The following SMAD6 variants were observed in gnomAD, a reference collection of about 807,000 sequenced individuals.
The protein encoded by SMAD6 is SMAD family member 6.
SMAD6 carries 103 observed loss-of-function variants against 39.4 expected under a neutral mutation model. That is an observed-to-expected ratio of 2.62 (90% CI 2.23 to 3.08). The LOEUF (loss-of-function observed/expected upper bound fraction) is 3.08. Among genes scored for constraint, SMAD6 ranks in the 30% most tolerant of loss-of-function variants. The pLI is 0.00. For missense variants in SMAD6, 1,104 were observed against 742.9 expected (o/e 1.49, Z -5.65); for synonymous variants, 445 against 353.3 (o/e 1.26, Z -2.91).
chr15:66,718,264 A>C (rs1348283679), intron 3 of SMAD6, among the ~76,000 whole-genome samples: 2 of 152,080 alleles, frequency 1.3e-5, no homozygotes, highest in African/African-American at 4.8e-5. Context: ...CCAGACCCCC[A>C]AGCACTGTCA....
chr15:66,714,777 G>A (rs900240101), intron 2 of SMAD6, among the ~76,000 whole-genome samples: 3 of 152,176 alleles, frequency 2.0e-5, no homozygotes, highest in Non-Finnish European at 4.4e-5. Flanking sequence ...CACTAGATGT[G>A]AGGGTTTGGC....
Position 66,703,143 on chromosome 15 carries a change from C to T in SMAD6, c.-116C>T, listed in dbSNP as rs1267144432. The T allele has an allele frequency of 1.3e-6, 1 of 742,458 alleles. No homozygotes were observed. Among genetic ancestry groups the T allele is most frequent in the African/African-American group, 1.8e-5 (1 of 54,270 alleles). The allele number at this position is 742,458 out of a possible 1,614,324, so 46.0% of individuals were successfully genotyped here. On this transcript the variant is annotated 5_prime_UTR_variant, in exon 1 of 4. Transcript: ENST00000288840. ...GGCTGTGCGCGGTCTGCACGGCGCTCCGCGGCGGAGCTTCATGTGGGGCTG... is the reference window on the plus strand; with the variant it reads ...GGCTGTGCGCGGTCTGCACGGCGCTTCGCGGCGGAGCTTCATGTGGGGCTG...
intron 3 of SMAD6, among the ~76,000 whole-genome samples, chr15:66,719,625 T>C (rs1306506963): frequency 3.9e-5 from 6 of 152,208 alleles, no homozygotes; most frequent in South Asian, 2.1e-4. Flanking sequence ...GGGACTCTTA[T>C]CTGTTTTATC....
chr15:66,763,105 C>CTTG (rs1358827166), intron 3 of SMAD6, among the ~76,000 whole-genome samples: 5 of 152,250 alleles, frequency 3.3e-5, no homozygotes, highest in African/African-American at 1.2e-4. Flanking sequence ...CAGCAGGGAC[C>CTTG]CCTTGCACAG....
chr15:66,742,095 C>T lies in SMAD6; in HGVS notation c.952+25597C>T, dbSNP rs183351680. Among the ~76,000 whole-genome samples the T allele has an allele frequency of 3.4e-3, 521 of 152,288 alleles. 3 individuals carry two copies. Among genetic ancestry groups the T allele is most frequent in the Admixed American group, 6.9e-3 (105 of 15,306 alleles). On this transcript the variant is annotated intron_variant, in intron 3 of 3. Transcript: ENST00000288840. ...CAGTGCCCCACACACTGTGAGCAGG[C>T]GGGTAGTCACTTACTCAGAGCTAGT...
chr15:66,755,035 TGTAAATTACTGC>T (rs1264744065), intron 3 of SMAD6, among the ~76,000 whole-genome samples: 1 of 152,254 alleles, frequency 6.6e-6, no homozygotes, highest in African/African-American at 2.4e-5. Context: ...TCTCTGGGCC[TGTAAATTACTGC>T]ACACTCTCAT....
Position 66,781,517 on chromosome 15 carries a change from C to T in SMAD6, c.1473C>T (p.Leu491=), listed in dbSNP as rs747254586. The T allele has an allele frequency of 6.4e-7, 1 of 1,551,272 alleles. No homozygotes were observed. Among genetic ancestry groups the T allele is most frequent in the Admixed American group, 2.0e-5 (1 of 50,974 alleles). ...CCTGCCCCTGCTGGCTGGAGATCCT[C>T]CTCAACAACCCCAGATAGTGGCGGC... ...ITSCPCWLEI[L]LNNPR Residue 491 remains leucine, a synonymous_variant, in exon 4 of 4, where the codon CTC becomes CTT. Transcript: ENST00000288840.
chr15:66,745,358 C>A (rs563685836), intron 3 of SMAD6, among the ~76,000 whole-genome samples: 1 of 152,002 alleles, frequency 6.6e-6, no homozygotes, highest in South Asian at 2.1e-4. Flanking sequence ...GGCATGTCTT[C>A]TGCCTGGCAG....
intron 3 of SMAD6, among the ~76,000 whole-genome samples, chr15:66,721,991 A>C (rs976412418): frequency 8.5e-5 from 13 of 152,196 alleles, no homozygotes; most frequent in African/African-American, 3.1e-4. Flanking sequence ...GCAGATGCAA[A>C]GACCTGGAGG....
intron 3 of SMAD6, among the ~76,000 whole-genome samples, chr15:66,728,196 C>T (rs758562073): frequency 1.3e-5 from 2 of 152,152 alleles, no homozygotes; most frequent in Non-Finnish European, 2.9e-5. Context: ...GATGAAGCAA[C>T]AGACCATGAC....
chr15:66,703,950 G>T lies in SMAD6; in HGVS notation c.692G>T (p.Arg231Leu), dbSNP rs1419095990. 4.3e-6 allele frequency: 6 copies of T among 1,406,812 alleles called. No individual in the cohort carries two copies. The highest frequency in any genetic ancestry group is 1.5e-5 in the South Asian group (1 of 67,158). 87.1% of individuals were successfully genotyped at this position (1,406,812 alleles called of 1,614,324 possible). A position where few individuals can be genotyped will look rare whatever the true frequency, so the allele number is the denominator to read the frequency against. The change falls in exon 1 of 4, where the codon CGC becomes CTC. Residue 231 changes from arginine (R) to leucine (L), a missense_variant. By Grantham distance (102) the Arg-to-Leu change is moderately radical (BLOSUM62 -2). Coordinates refer to ENST00000288840, the MANE Select transcript of SMAD6 (RefSeq NM_005585.5). ...CAGCTGCTGCTCGGCCGCCTCTTTC[G>T]CTGGCCCGACCTGCAGCACGCCGTG... is the stretch of plus-strand genomic sequence containing the variant. Reference protein sequence around the residue: ...PPQLLLGRLFRWPDLQHAVEL... With the variant: ...PPQLLLGRLFLWPDLQHAVEL...
chr15:66,747,243 A>C lies in SMAD6; in HGVS notation c.952+30745A>C, dbSNP rs1893923184. ...CGTGGTTTGCTGTGTTTGCATGGCC[A>C]GGCCAGCGGGATATGGATGGGCCAT... On this transcript the variant is annotated intron_variant, in intron 3 of 3. Coordinates refer to ENST00000288840, the MANE Select transcript of SMAD6 (RefSeq NM_005585.5). This position sits in a 1 kb window ranked among gnomAD's most constrained non-coding sequence, Gnocchi z 4.5. Among the ~76,000 whole-genome samples the C allele has an allele frequency of 6.6e-6, 1 of 152,274 alleles. No homozygotes were observed. Among genetic ancestry groups the C allele is most frequent in the Non-Finnish European group, 1.5e-5 (1 of 68,042 alleles).
chr15:66,722,156 A>G (rs1893445744), intron 3 of SMAD6, among the ~76,000 whole-genome samples: 2 of 152,170 alleles, frequency 1.3e-5, no homozygotes, highest in Admixed American at 1.3e-4. Flanking sequence ...TGGACATATA[A>G]GTGCCAGCTC....
rs772366120 is a variant in SMAD6, at chr15:66,781,378, G to A, written c.1334G>A (p.Gly445Asp). The A allele has an allele frequency of 6.2e-7, 1 of 1,601,766 alleles. No individual in the cohort carries two copies. The highest frequency in any genetic ancestry group is 2.2e-5 in the East Asian group (1 of 44,724). ...AAGGTGTTCGACTTCGAGCGCTCGG[G>A]CCTGCAGCACGCGCCCGAGCCCGAC... Reference protein sequence around the residue: ...SIKVFDFERSGLQHAPEPDAA... With the variant: ...SIKVFDFERSDLQHAPEPDAA... The change falls in exon 4 of 4, where the codon GGC (glycine) becomes GAC (aspartate). Residue 445 changes from glycine to aspartate, a missense_variant. Transcript: ENST00000288840.
chr15:66,716,442 C>G lies in SMAD6; in HGVS notation c.896C>G (p.Ser299Cys), dbSNP rs532621952. The change falls in exon 3 of 4, where the codon TCT (serine) becomes TGT (cysteine). Residue 299 changes from serine to cysteine, a missense_variant. Ser to Cys is a moderately radical substitution (Grantham distance 112). Transcript: ENST00000288840. ...ACAGATCTGTCCGATTCCACATTGT[C>G]TTACACTGAAACGGAGGCTACCAAC... ...KPLDLSDSTL[S>C]YTETEATNSL... 99 of 1,613,626 alleles carry G rather than the reference C, an allele frequency of 6.1e-5. No individual in the cohort carries two copies. The South Asian group carries it at 1.0e-3, about 16-fold the overall frequency.
rs371202601 is a variant in SMAD6 at position 66,771,381 on chromosome 15, C to G, written c.953-9616C>G. On this transcript the variant is annotated intron_variant, in intron 3 of 3. Transcript: ENST00000288840. ...CTGCAAGAGATAAAAGAATGGAAAC[C>G]TTACCCATCACAGCCCAGGCCGCCA... is the stretch of plus-strand genomic sequence containing the variant. Among the ~76,000 whole-genome samples, 117 of 152,314 alleles carry G rather than the reference C, an allele frequency of 7.7e-4. 2 individuals carry two copies. The South Asian group carries it at 0.024, about 32-fold the overall frequency.
chr15:66,767,206 A>G (rs535903552), intron 3 of SMAD6, among the ~76,000 whole-genome samples: 1 of 152,346 alleles, frequency 6.6e-6, no homozygotes, highest in African/African-American at 2.4e-5. Flanking sequence ...AAACAAGGTC[A>G]TTTATGAATG....
intron 3 of SMAD6, among the ~76,000 whole-genome samples, chr15:66,753,687 C>T (rs1031581958): frequency 6.6e-6 from 1 of 152,218 alleles, no homozygotes; most frequent in Non-Finnish European, 1.5e-5. Context: ...CCTTGCGCAC[C>T]TCAGGCCTCC....
At chr15:66,745,937 C>G (rs572995129) in intron 3 of SMAD6, among the ~76,000 whole-genome samples, 1 of 152,330 alleles carries the variant, frequency 6.6e-6, no homozygotes, top group East Asian at 1.9e-4. Flanking sequence ...CCTCCCTTGT[C>G]CCCACTTCCC....
Sources: allele counts gnomAD v4.1 joint callset (sites outside exome capture counted in the v4.1 genomes callset), GRCh38; gene constraint gnomAD v4.1.1; non-coding constraint Gnocchi (gnomAD v3.1); transcripts MANE v1.5; gene names NCBI Gene and HGNC (gene_info 2026-07-23, HGNC 2026-07-21).